Variants in PTK2B observed in about 807,000 individuals in gnomAD.
PTK2B encodes protein-tyrosine kinase 2-beta.
A neutral mutation model predicts 142.9 loss-of-function variants in PTK2B; 71 were observed. The observed-to-expected ratio is 0.50, with a 90% CI of 0.41 to 0.61. PTK2B has a LOEUF of 0.61. Ranked by LOEUF, PTK2B falls within the 20% of genes least tolerant of loss-of-function variation. The pLI is 0.00. For synonymous variants in PTK2B, 519 were observed against 503.4 expected, an observed-to-expected ratio of 1.03 and a Z score of -0.42; for missense variants, 1,105 against 1,320.4, an observed-to-expected ratio of 0.84 and a Z score of 2.53.
At chr8:27,421,886 AG>A (rs1809778099) in intron 4 of PTK2B, among the ~76,000 whole-genome samples, 1 of 152,200 alleles carries the variant, frequency 6.6e-6, no homozygotes, top group South Asian at 2.1e-4. Flanking sequence ...GTCTGATATT[AG>A]TTCCTTCCAA....
chr8:27,399,429 C>G (rs926247463), intron 2 of PTK2B, among the ~76,000 whole-genome samples: 1 of 152,106 alleles, frequency 6.6e-6, no homozygotes, highest in Non-Finnish European at 1.5e-5. Context: ...AGAAAAGTAT[C>G]TAAAATCAAG....
chr8:27,433,249 G>A (rs1810551940), intron 10 of PTK2B, 186 bp from the exon 11 acceptor site: 2 of 587,958 alleles, frequency 3.4e-6, no homozygotes, highest in Non-Finnish European at 6.1e-6. Context: ...GAGAGCATGG[G>A]CGTACAGGTG....
chr8:27,440,892 G>A (rs56073911), intron 21 of PTK2B, among the ~76,000 whole-genome samples: 7,602 of 152,202 alleles, frequency 0.05, 240 homozygotes, highest in Non-Finnish European at 0.074. Flanking sequence ...CTGAATGGGG[G>A]ATAAGGGACC....
chr8:27,349,542 G>T (rs1011478774), intron 1 of PTK2B, among the ~76,000 whole-genome samples: 1 of 152,206 alleles, frequency 6.6e-6, no homozygotes, highest in Non-Finnish European at 1.5e-5. Flanking sequence ...ATGCGGGGCA[G>T]GGGGTGAAGA....
chr8:27,445,425 A>G (rs1229929456), intron 23 of PTK2B, among the ~76,000 whole-genome samples: 1 of 152,282 alleles, frequency 6.6e-6, no homozygotes, highest in Admixed American at 6.5e-5. Context: ...TTTTTAAAAA[A>G]CAATTCATAC....
intron 6 of PTK2B, 77 bp downstream of exon 6, chr8:27,430,232 C>T: frequency 2.5e-6 from 4 of 1,577,968 alleles, no homozygotes; most frequent in Non-Finnish European, 8.7e-7. Flanking sequence ...CTCTCCTCCA[C>T]CCCTCCCCAG....
chr8:27,334,082 A>G (rs1172801685), intron 1 of PTK2B, among the ~76,000 whole-genome samples: 1 of 151,806 alleles, frequency 6.6e-6, no homozygotes, highest in Non-Finnish European at 1.5e-5. Flanking sequence ...TTTTCTGCTC[A>G]TATCTTGCCC....
chr8:27,422,494 A>G, intron 5 of PTK2B, 111 bp downstream of exon 5: 1 of 1,040,084 alleles, frequency 9.6e-7, no homozygotes, highest in Non-Finnish European at 1.3e-6. Flanking sequence ...GGGAGCCAGG[A>G]AGGGGAGAGG....
chr8:27,409,459 C>G (rs1198994768), intron 2 of PTK2B, among the ~76,000 whole-genome samples: 1 of 152,064 alleles, frequency 6.6e-6, no homozygotes, highest in East Asian at 1.9e-4. Context: ...CAGAGGAAAG[C>G]AAGAGCATGC....
intron 1 of PTK2B, among the ~76,000 whole-genome samples, chr8:27,337,038 G>C (rs1804114432): frequency 7.1e-6 from 1 of 141,690 alleles, no homozygotes. Flanking sequence ...TTGATGAATA[G>C]TAGTTTTTTG....
At chr8:27,394,051 T>C (rs1198881688) in intron 1 of PTK2B, among the ~76,000 whole-genome samples, 1 of 152,182 alleles carries the variant, frequency 6.6e-6, no homozygotes, top group African/African-American at 2.4e-5. Flanking sequence ...TGCTACAGTC[T>C]ACTACACACC....
intron 5 of PTK2B, among the ~76,000 whole-genome samples, chr8:27,422,903 G>A (rs867701966): frequency 2.7e-4 from 41 of 152,290 alleles, no homozygotes; most frequent in African/African-American, 9.6e-4. Flanking sequence ...AATGAGGATG[G>A]CACCAACTTC....
In PTK2B at chr8:27,368,454, A is replaced by G. The variant is rs1586173847; in HGVS notation, c.-37-29094A>G. On this transcript the variant is annotated intron_variant, in intron 1 of 30. Transcript: ENST00000346049. Reference sequence around the variant, plus strand: ...CTCCACTGACTCCCTCACCTTGCCCACTGGCTGTGAATCCCCAGCTGTTCC... The same window carrying G: ...CTCCACTGACTCCCTCACCTTGCCCGCTGGCTGTGAATCCCCAGCTGTTCC... Among the ~76,000 whole-genome samples the G allele has an allele frequency of 4.0e-5, 6 of 151,890 alleles. 1 individual carries two copies. The Middle Eastern group carries it at 0.017, about 431-fold the overall frequency.
intron 1 of PTK2B, among the ~76,000 whole-genome samples, chr8:27,341,731 T>C (rs1804413450): frequency 6.6e-6 from 1 of 152,028 alleles, no homozygotes; most frequent in Non-Finnish European, 1.5e-5. Flanking sequence ...TCCAGTACAA[T>C]AGCATAGTTA....
chr8:27,395,641 G>A (rs1055381580), intron 1 of PTK2B, among the ~76,000 whole-genome samples: 6 of 152,164 alleles, frequency 3.9e-5, no homozygotes, highest in Admixed American at 1.3e-4. Flanking sequence ...TGGATATGCT[G>A]GAACAATGAC....
chr8:27,381,841 A>G (rs1319239123), intron 1 of PTK2B, among the ~76,000 whole-genome samples: 1 of 152,212 alleles, frequency 6.6e-6, no homozygotes, highest in African/African-American at 2.4e-5. Context: ...TCTTTTTGAT[A>G]ATAGCCATTC....
rs1466480211 is a variant in PTK2B at position 27,437,813 on chromosome 8, C to T, written c.1576C>T (p.Leu526Phe). 1 of 1,613,526 alleles carries T rather than the reference C, an allele frequency of 6.2e-7. No individual in the cohort carries two copies. Among genetic ancestry groups the T allele is most frequent in the African/African-American group, 1.3e-5 (1 of 74,936 alleles). Reference protein sequence around the residue: ...RNKNSLKVLTLVLYSLQICKA... With the variant: ...RNKNSLKVLTFVLYSLQICKA... The stretch of plus-strand genomic sequence containing the variant: ...CAAGAACTCCCTGAAGGTGCTCACC[C>T]TCGTGCTGTACTCACTGCAGATATG... Residue 526 changes from leucine to phenylalanine, a missense_variant, in exon 18 of 31, where the codon CTC (leucine) becomes TTC (phenylalanine). Leu to Phe is a conservative substitution (Grantham distance 22, BLOSUM62 0). Coordinates refer to ENST00000346049, the MANE Select transcript of PTK2B (RefSeq NM_173176.3).
intron 1 of PTK2B, among the ~76,000 whole-genome samples, chr8:27,348,326 C>A (rs1438943818): frequency 1.3e-5 from 2 of 152,190 alleles, no homozygotes; most frequent in Non-Finnish European, 2.9e-5. Flanking sequence ...GGTCTCTGCC[C>A]TGTTTCCTCT....
chr8:27,447,879 T>A (rs1811564578), intron 24 of PTK2B, among the ~76,000 whole-genome samples: 1 of 152,018 alleles, frequency 6.6e-6, no homozygotes, highest in African/African-American at 2.4e-5. Flanking sequence ...ATAAATAAAA[T>A]AAAAATAATA....
Sources: allele counts gnomAD v4.1 joint callset (sites outside exome capture counted in the v4.1 genomes callset), GRCh38; gene constraint gnomAD v4.1.1; transcripts MANE v1.5; gene names NCBI Gene and HGNC (gene_info 2026-07-23, HGNC 2026-07-21).